The following FAT3 variants were observed in gnomAD, a reference collection of about 807,000 sequenced individuals.
The protein encoded by FAT3 is protocadherin Fat 3.
In FAT3, 95 loss-of-function variants were observed where a neutral mutation model predicts 310.2. That is an observed-to-expected ratio of 0.31 (90% CI 0.26 to 0.36). The LOEUF is 0.36. FAT3 is among the 10% of genes least tolerant of loss of function. The pLI, the probability that FAT3 is intolerant of heterozygous loss-of-function variation, is 1.00. For missense variants in FAT3, 5,408 were observed against 5,715.6 expected, an observed-to-expected ratio of 0.95 and a Z score of 1.74; for synonymous variants, 2,314 against 2,192.9, an observed-to-expected ratio of 1.06 and a Z score of -1.54.
At position 92,352,396 on chromosome 11, in the gene FAT3, A is replaced by G. The variant is rs1948592887; in HGVS notation, c.284A>G (p.Glu95Gly). 6.2e-7 allele frequency: 1 copy of G among 1,610,948 alleles called. No individual in the cohort carries two copies. The highest frequency in any genetic ancestry group is 1.3e-5 in the African/African-American group (1 of 74,878). The part of the protein sequence containing the change: ...SGDEEGFFKA[E>G]EVIIADFCFL... ...GACGAGGAAGGCTTTTTCAAAGCAG[A>G]GGAAGTCATCATTGCAGATTTCTGT... Residue 95 changes from glutamate (E) to glycine (G), a missense_variant, in exon 2 of 28, where the codon GAG becomes GGG. Glu to Gly is a moderately conservative substitution (Grantham distance 98). This residue lies in a region of FAT3 where 152 missense variants were observed against 188.3 expected (regional missense o/e 0.81). Transcript: ENST00000525166.
chr11:92,353,807 T>A lies in FAT3; in HGVS notation c.1695T>A (p.Thr565=). ...PYRHESEVNV[T]IRIGNVNDNS... ...GCCATGAAAGTGAGGTCAATGTGACTATTCGAATAGGAAATGTCAACGACA... is the reference window on the plus strand; with the variant it reads ...GCCATGAAAGTGAGGTCAATGTGACAATTCGAATAGGAAATGTCAACGACA... Residue 565 remains threonine, a synonymous_variant, in exon 2 of 28, where the codon ACT becomes ACA. Coordinates refer to ENST00000525166, the MANE Select transcript of FAT3 (RefSeq NM_001367949.2). 1 of 1,613,600 alleles carries A rather than the reference T, an allele frequency of 6.2e-7. No individual in the cohort carries two copies. The highest frequency in any genetic ancestry group is 8.5e-7 in the Non-Finnish European group (1 of 1,179,604).
intron 4 of FAT3, among the ~76,000 whole-genome samples, chr11:92,731,597 T>C (rs1424602469): frequency 6.6e-6 from 1 of 152,116 alleles, no homozygotes; most frequent in African/African-American, 2.4e-5. Context: ...TGGTGACCTA[T>C]GCATAGCAAA....
At chr11:92,744,179 A>G (rs1254807528) in intron 4 of FAT3, among the ~76,000 whole-genome samples, 1 of 152,184 alleles carries the variant, frequency 6.6e-6, no homozygotes, top group Non-Finnish European at 1.5e-5. Context: ...AAACTATGAT[A>G]TGGATAAAGA....
chr11:92,507,635 A>C (rs1394355233), intron 2 of FAT3, among the ~76,000 whole-genome samples: 1 of 151,518 alleles, frequency 6.6e-6, no homozygotes, highest in Admixed American at 6.6e-5. Flanking sequence ...AAATTGGAGG[A>C]GATGTGGAAT....
At chr11:92,830,999 G>C (rs1322514391) in intron 13 of FAT3, among the ~76,000 whole-genome samples, 2 of 152,104 alleles carry the variant, frequency 1.3e-5, no homozygotes, top group Non-Finnish European at 2.9e-5. Flanking sequence ...TGTTGCTGTA[G>C]GAGGCTGCTG....
intron 3 of FAT3, among the ~76,000 whole-genome samples, chr11:92,656,562 C>G (rs1942590615): frequency 6.6e-6 from 1 of 152,186 alleles, no homozygotes; most frequent in Non-Finnish European, 1.5e-5. Flanking sequence ...ACTACAATGG[C>G]TTAGACCACC....
intron 9 of FAT3, among the ~76,000 whole-genome samples, chr11:92,794,541 T>G (rs1947119558): frequency 6.6e-6 from 1 of 152,224 alleles, no homozygotes; most frequent in African/African-American, 2.4e-5. Context: ...TTCAACCAGT[T>G]TGGAGTTTCT....
In FAT3 at chr11:92,320,078, G is replaced by A. The variant is rs1947570288; in HGVS notation, c.-17-32018G>A. Among the ~76,000 whole-genome samples the A allele has an allele frequency of 2.0e-5, 3 of 152,176 alleles. 1 individual carries two copies. The South Asian group carries it at 6.2e-4, about 32-fold the overall frequency. ...TTTAGCATCATAATCACAAAGTCCT[G>A]GGCTCCAGAGATTCACTGAAACAAA... On this transcript the variant is annotated intron_variant, in intron 1 of 27. Transcript: ENST00000525166.
At chr11:92,643,897 CAT>C (rs572639744) in intron 3 of FAT3, among the ~76,000 whole-genome samples, 107 of 152,354 alleles carry the variant, frequency 7.0e-4, no homozygotes, top group Admixed American at 3.5e-3. Flanking sequence ...CAAATTGCCT[CAT>C]GTGATTTATC....
intron 3 of FAT3, among the ~76,000 whole-genome samples, chr11:92,652,135 G>A (rs1942402399): frequency 6.6e-6 from 1 of 152,102 alleles, no homozygotes; most frequent in African/African-American, 2.4e-5. Context: ...TTGAAACACA[G>A]GGTTTAGTAA....
chr11:92,854,701 T>C (rs537452777), intron 19 of FAT3, among the ~76,000 whole-genome samples: 1 of 152,364 alleles, frequency 6.6e-6, no homozygotes, highest in Non-Finnish European at 1.5e-5. Flanking sequence ...ATATCTTTGC[T>C]ATCATGCATC....
intron 4 of FAT3, among the ~76,000 whole-genome samples, chr11:92,747,091 G>T (rs1417045631): frequency 6.6e-6 from 1 of 152,194 alleles, no homozygotes; most frequent in Non-Finnish European, 1.5e-5. Context: ...GCCCCAGTGG[G>T]TAGTCTGTGT....
At chr11:92,792,060 C>CCA (rs1947054075) in intron 8 of FAT3, among the ~76,000 whole-genome samples, 1 of 152,188 alleles carries the variant, frequency 6.6e-6, no homozygotes, top group African/African-American at 2.4e-5. Flanking sequence ...CCTGAAAATG[C>CCA]CACACACTAC....
chr11:92,605,719 GTTTTTTTTTTTTTT>G (rs5793613), intron 3 of FAT3, among the ~76,000 whole-genome samples: 2 of 99,760 alleles, frequency 2.0e-5, no homozygotes, highest in Non-Finnish European at 3.7e-5. Context: ...AAATAGCTAT[GTTTTTTTTTTTTTT>G]TTTTTTTTTT....
At chr11:92,330,967 T>TGG (rs1565231494) in intron 1 of FAT3, among the ~76,000 whole-genome samples, 18 of 94,674 alleles carry the variant, frequency 1.9e-4, no homozygotes, top group African/African-American at 1.1e-3. Flanking sequence ...GAGTAAAGGG[T>TGG]GTGTGTGTGT....
chr11:92,718,208 G>T (rs1210859014), intron 4 of FAT3, among the ~76,000 whole-genome samples: 1 of 152,140 alleles, frequency 6.6e-6, no homozygotes, highest in Non-Finnish European at 1.5e-5. Context: ...CTAAACTTTG[G>T]TTGGAAAGTC....
intron 1 of FAT3, among the ~76,000 whole-genome samples, chr11:92,334,738 G>A (rs1043168978): frequency 5.3e-5 from 8 of 152,144 alleles, no homozygotes; most frequent in Admixed American, 4.6e-4. Flanking sequence ...ACTACCTGGA[G>A]GAGAAAAGAT....
chr11:92,662,302 G>A (rs531416504), intron 3 of FAT3, among the ~76,000 whole-genome samples: 1 of 152,290 alleles, frequency 6.6e-6, no homozygotes, highest in South Asian at 2.1e-4. Flanking sequence ...TGGGCCTGGG[G>A]AGCATTTTCC....
At chr11:92,254,731 G>T (rs562617910) in intron 1 of FAT3, among the ~76,000 whole-genome samples, 1 of 152,020 alleles carries the variant, frequency 6.6e-6, no homozygotes, top group Non-Finnish European at 1.5e-5. Context: ...TTGAGGTGGA[G>T]TTTCACTCTT....
Sources: allele counts gnomAD v4.1 joint callset (sites outside exome capture counted in the v4.1 genomes callset), GRCh38; gene constraint gnomAD v4.1.1; regional missense constraint gnomAD v4.1.1; transcripts MANE v1.5; gene names NCBI Gene and HGNC (gene_info 2026-07-23, HGNC 2026-07-21).